DNAJC2: variants seen among roughly 807,000 people sequenced by gnomAD.
The protein encoded by DNAJC2 is dnaJ homolog subfamily C member 2.
A neutral mutation model predicts 94.0 loss-of-function variants in DNAJC2; 32 were observed. That is an observed-to-expected ratio of 0.34 (90% CI 0.26 to 0.46). DNAJC2 has a LOEUF of 0.46. DNAJC2 is among the 20% of genes least tolerant of loss of function. The pLI is 1.00. For synonymous variants in DNAJC2, 210 were observed against 229.7 expected, an observed-to-expected ratio of 0.91 and a Z score of 0.77; for missense variants, 550 against 719.5, an observed-to-expected ratio of 0.76 and a Z score of 2.69.
rs746021935 is a variant in DNAJC2, at chr7:103,321,925, G to A, written c.1083+7C>T. On this transcript the variant is annotated splice_region_variant and intron_variant, in intron 10 of 16. Coordinates refer to ENST00000379263, the MANE Select transcript of DNAJC2 (RefSeq NM_014377.3). The stretch of plus-strand genomic sequence containing the variant: ...CTTGTGCCTAGTGTTTGTTCAGTCT[G>A]ATATACCTTGCATGAGTTTCGAAGT... The A allele has an allele frequency of 3.1e-6, 5 of 1,612,500 alleles. No individual in the cohort carries two copies. The Admixed American group carries it at 8.4e-5, about 27-fold the overall frequency.
At chr7:103,340,353 G>A (rs1819330630) in intron 2 of DNAJC2, among the ~76,000 whole-genome samples, 1 of 152,134 alleles carries the variant, frequency 6.6e-6, no homozygotes. Flanking sequence ...ATGAGGTGGT[G>A]GGAGAATCAG....
chr7:103,326,461 C>T, intron 5 of DNAJC2, 82 bp downstream of exon 5: 1 of 1,350,742 alleles, frequency 7.4e-7, no homozygotes, highest in Non-Finnish European at 1.0e-6. Flanking sequence ...AAACTATTAT[C>T]AGAGGGAAAG....
chr7:103,320,394 C>G (rs948268505), intron 10 of DNAJC2, among the ~76,000 whole-genome samples: 42 of 152,008 alleles, frequency 2.8e-4, no homozygotes, highest in African/African-American at 9.9e-4. Context: ...CTGTTTTTAA[C>G]TTTTTCTAAA....
At chr7:103,319,723 G>A in intron 11 of DNAJC2, 33 bp downstream of exon 11, 2 of 1,613,966 alleles carry the variant, frequency 1.2e-6, no homozygotes, top group Non-Finnish European at 8.5e-7. Flanking sequence ...CTAAGCTCAA[G>A]TGAAGACTTC....
At position 103,322,085 on chromosome 7, in the gene DNAJC2, T is replaced by TA. The variant is rs781715794; in HGVS notation, c.934-5dup. The TA allele has an allele frequency of 7.5e-6, 12 of 1,593,368 alleles. No homozygotes were observed. Among genetic ancestry groups the TA allele is most frequent in the East Asian group, 4.5e-5 (2 of 44,668 alleles). ...CTTCTAATTCAGCTTGTCTTTGCTT[T>TA]AAAAAAAGGGAGTAAAATCATTTTA... On this transcript the variant is annotated splice_region_variant and splice_polypyrimidine_tract_variant and intron_variant, in intron 9 of 16. Transcript: ENST00000379263.
intron 4 of DNAJC2, 42 bp downstream of exon 4, chr7:103,327,614 C>T: frequency 7.9e-7 from 1 of 1,272,104 alleles, no homozygotes; most frequent in African/African-American, 1.5e-5. Flanking sequence ...TAATAAATAA[C>T]AATTACTATT....
chr7:103,312,549 T>C lies in DNAJC2; in HGVS notation c.*20A>G, dbSNP rs374258356. On this transcript the variant is annotated 3_prime_UTR_variant, in exon 17 of 17. Coordinates refer to ENST00000379263, the MANE Select transcript of DNAJC2 (RefSeq NM_014377.3). ...AGTATTTTCAGTTTTATTATAAAAA[T>C]GCACACACAACAAAGATTGTCATTT... The C allele has an allele frequency of 5.0e-6, 8 of 1,600,496 alleles. No homozygotes were observed. The highest frequency in any genetic ancestry group is 6.8e-6 in the Non-Finnish European group (8 of 1,176,220).
chr7:103,328,488 G>A (rs1259823344), intron 3 of DNAJC2, among the ~76,000 whole-genome samples: 1 of 151,896 alleles, frequency 6.6e-6, no homozygotes, highest in Non-Finnish European at 1.5e-5. Context: ...AAAACTAGCT[G>A]GGCGTGGTGG....
In DNAJC2 at chr7:103,313,057, G is replaced by T; in HGVS notation, c.1681C>A (p.Leu561Ile). ...TATGTTTTCAAAGCTTGTTCCAAAA[G>T]CTTCTGTTCTTCTGTTGTCCAAGGG... ...FTPWTTEEQK[L>I]LEQALKTYPV... Residue 561 changes from leucine to isoleucine, a missense_variant, in exon 16 of 17, where the codon CTT becomes ATT. By Grantham distance (5) the Leu-to-Ile change is conservative. Transcript: ENST00000379263. 6.2e-7 allele frequency: 1 copy of T among 1,613,940 alleles called. No individual in the cohort carries two copies. Among genetic ancestry groups the T allele is most frequent in the Non-Finnish European group, 8.5e-7 (1 of 1,179,914 alleles).
intron 3 of DNAJC2, among the ~76,000 whole-genome samples, chr7:103,330,931 GATT>G (rs1346731636): frequency 6.6e-6 from 1 of 151,502 alleles, no homozygotes; most frequent in Non-Finnish European, 1.5e-5. Flanking sequence ...GGGTGCATGT[GATT>G]ATTTTGTTCA....
At chr7:103,338,206 G>A (rs1819247516) in intron 2 of DNAJC2, among the ~76,000 whole-genome samples, 1 of 151,788 alleles carries the variant, frequency 6.6e-6, no homozygotes, top group Non-Finnish European at 1.5e-5. Flanking sequence ...GTAAGTAGAG[G>A]CTGCAGTGAG....
At chr7:103,328,909 A>C in intron 3 of DNAJC2, 1 of 811,562 alleles carries the variant, frequency 1.2e-6, no homozygotes, top group South Asian at 1.6e-5. Context: ...GTTTTTCCTT[A>C]TTTAGGATTC....
chr7:103,325,716 G>GA (rs1337567367), intron 5 of DNAJC2, among the ~76,000 whole-genome samples: 1 of 151,282 alleles, frequency 6.6e-6, no homozygotes, highest in Non-Finnish European at 1.5e-5. Flanking sequence ...AATGCAGATG[G>GA]AAAAAAAAGA....
intron 13 of DNAJC2, 104 bp downstream of exon 13, chr7:103,316,726 A>C: frequency 2.0e-6 from 2 of 979,108 alleles, no homozygotes; most frequent in Non-Finnish European, 3.0e-6. Context: ...CACAGAATTT[A>C]TCTCTGCAAG....
At position 103,322,684 on chromosome 7, in the gene DNAJC2, T is replaced by C; in HGVS notation, c.811+19A>G. 6.2e-7 allele frequency: 1 copy of C among 1,612,482 alleles called. No individual in the cohort carries two copies. On this transcript the variant is annotated intron_variant, in intron 8 of 16. Coordinates refer to ENST00000379263, the MANE Select transcript of DNAJC2 (RefSeq NM_014377.3). Reference sequence around the variant, plus strand: ...TTTGAATTTCTAACATTTAGGGGACTTAAATCAATTCTACTTACCAACTAA... The same window carrying C: ...TTTGAATTTCTAACATTTAGGGGACCTAAATCAATTCTACTTACCAACTAA...
intron 15 of DNAJC2, among the ~76,000 whole-genome samples, chr7:103,314,974 T>C (rs1586061213): frequency 6.6e-6 from 1 of 152,082 alleles, no homozygotes; most frequent in South Asian, 2.1e-4. Context: ...AGAAAAAAAT[T>C]TATATCACAT....
At chr7:103,327,597 CA>C (rs1383814372) in intron 4 of DNAJC2, 58 bp downstream of exon 4, 1 of 1,148,130 alleles carries the variant, frequency 8.7e-7, no homozygotes, top group East Asian at 2.4e-5. Context: ...AACCCAATCC[CA>C]GCAATTAATA....
chr7:103,335,966 G>C (rs191960903), intron 3 of DNAJC2: 4 of 152,364 alleles, frequency 2.6e-5, no homozygotes, highest in East Asian at 1.9e-4. Flanking sequence ...TCGGGAGTTC[G>C]AGACCAGCCT....
chr7:103,333,706 A>G (rs1309574629), intron 3 of DNAJC2, among the ~76,000 whole-genome samples: 3 of 152,136 alleles, frequency 2.0e-5, no homozygotes, highest in African/African-American at 7.2e-5. Context: ...GATGCCTGTC[A>G]CCACTTTTGC....
Sources: allele counts gnomAD v4.1 joint callset (sites outside exome capture counted in the v4.1 genomes callset), GRCh38; gene constraint gnomAD v4.1.1; transcripts MANE v1.5; gene names NCBI Gene and HGNC (gene_info 2026-07-23, HGNC 2026-07-21).